Variants in SETDB1 observed in about 807,000 individuals in gnomAD.
SETDB1 encodes the protein SET domain bifurcated histone lysine methyltransferase 1, also known as histone-lysine N-methyltransferase SETDB1.
A neutral mutation model predicts 137.4 loss-of-function variants in SETDB1; 31 were observed. The observed-to-expected ratio is 0.23, with a 90% CI of 0.17 to 0.30. The LOEUF is 0.30. SETDB1 is among the 10% of genes least tolerant of loss of function. The probability of loss-of-function intolerance (pLI) is 1.00; values close to 1 mark genes in which losing one functional copy is unlikely to be tolerated. For missense variants in SETDB1, 1,113 were observed against 1,631.5 expected (o/e 0.68, Z 5.47); for synonymous variants, 548 against 579.9 (o/e 0.95, Z 0.79).
At position 150,933,717 on chromosome 1, in the gene SETDB1, TTCAGA is replaced by T. The variant is rs1257990188; in HGVS notation, c.412+3600_412+3604del. 2.6e-5 allele frequency among the ~76,000 whole-genome samples: 4 copies of T among 151,940 alleles called. No homozygotes were observed. In the East Asian group the frequency reaches 7.7e-4, roughly 29 times the overall value. On this transcript the variant is annotated intron_variant, in intron 3 of 21. Transcript: ENST00000692827. ...TGCCTTCTTAAAGTCAAACAAACATTTCAGAAAACCACTGTCATTCTTCTGATTTT... is the reference window on the plus strand; with the variant it reads ...TGCCTTCTTAAAGTCAAACAAACATTAAACCACTGTCATTCTTCTGATTTT...
At position 150,950,793 on chromosome 1, in the gene SETDB1, A is replaced by G. The variant is rs775790903; in HGVS notation, c.1919A>G (p.Gln640Arg). 6.8e-6 allele frequency: 11 copies of G among 1,614,212 alleles called. No homozygotes were observed. The highest frequency in any genetic ancestry group is 9.3e-6 in the Non-Finnish European group (11 of 1,179,994). The change falls in exon 13 of 22, where the codon CAG becomes CGG. Residue 640 changes from glutamine (Q) to arginine (R), a missense_variant. By Grantham distance (43) the Gln-to-Arg change is conservative. Around this residue, in one of 11 missense-constraint regions of SETDB1, gnomAD observed 55 missense variants for 118.5 expected, o/e 0.46. Transcript: ENST00000692827. ...TPCGLCLRTM[Q>R]EIERYLFETG... ...TGTGGTCTCTGCCTTCGGACAATGCAGGAGATAGAACGCTACCTTTTCGAG... is the reference window on the plus strand; with the variant it reads ...TGTGGTCTCTGCCTTCGGACAATGCGGGAGATAGAACGCTACCTTTTCGAG...
intron 5 of SETDB1, 68 bp downstream of exon 5, chr1:150,941,496 T>TA: frequency 1.1e-6 from 1 of 928,134 alleles, no homozygotes; most frequent in East Asian, 2.5e-5. Flanking sequence ...TCTTAAGTCT[T>TA]ATGTCTGCTA....
intron 3 of SETDB1, among the ~76,000 whole-genome samples, chr1:150,939,140 T>C (rs919512984): frequency 2.6e-5 from 4 of 151,248 alleles, no homozygotes; most frequent in African/African-American, 9.7e-5. Flanking sequence ...AGAGAAGGGG[T>C]TTGGTTTCAC....
At position 150,939,791 on chromosome 1, in the gene SETDB1, A is replaced by G. The variant is rs1016938404; in HGVS notation, c.413-149A>G. 1.6e-5 allele frequency: 9 copies of G among 575,798 alleles called. No homozygotes were observed. In the African/African-American group the frequency reaches 1.7e-4, roughly 11 times the overall value. 35.7% of individuals were successfully genotyped at this position (575,798 alleles called of 1,614,324 possible). The stretch of plus-strand genomic sequence containing the variant: ...CTTTCCAGACCCTTTTGAGTACTTT[A>G]TATTTGTGTGTATACCTATATCAAG... On this transcript the variant is annotated intron_variant, in intron 3 of 21. Coordinates refer to ENST00000692827, the MANE Select transcript of SETDB1 (RefSeq NM_001366418.1).
chr1:150,928,676 CAT>C lies in SETDB1; in HGVS notation c.260+705_260+706del, dbSNP rs587763401. The stretch of plus-strand genomic sequence containing the variant: ...ATGTGCACAACGTGCAGGTTTATTA[CAT>C]ATGTATACATGTGCCATGTTGGTGT... On this transcript the variant is annotated intron_variant, in intron 2 of 21. Transcript: ENST00000692827. Among the ~76,000 whole-genome samples the C allele has an allele frequency of 3.2e-3, 489 of 152,286 alleles. 4 individuals carry two copies. Among genetic ancestry groups the C allele is most frequent in the African/African-American group, 0.011 (449 of 41,542 alleles).
intron 10 of SETDB1, among the ~76,000 whole-genome samples, chr1:150,947,708 C>T (rs1221847666): frequency 6.6e-6 from 1 of 151,904 alleles, no homozygotes; most frequent in African/African-American, 2.4e-5. Context: ...GCCAGGAGGT[C>T]GAGGTTGCAG....
At position 150,962,119 on chromosome 1, in the gene SETDB1, T is replaced by C. The variant is rs1241745777; in HGVS notation, c.3133-11T>C. On this transcript the variant is annotated splice_polypyrimidine_tract_variant and intron_variant, in intron 16 of 21. Transcript: ENST00000692827. ...GTGAAAGCATTTAACCCTTCACTTG[T>C]TCTTTTCCAGGACACTGACGACCGA... 1 of 1,614,124 alleles carries C rather than the reference T, an allele frequency of 6.2e-7. No individual in the cohort carries two copies. Among genetic ancestry groups the C allele is most frequent in the Non-Finnish European group, 8.5e-7 (1 of 1,179,966 alleles).
rs774281431 is a variant in SETDB1 at position 150,963,633 on chromosome 1, G to A, written c.3564G>A (p.Lys1188=). Residue 1188 remains lysine (K), a synonymous_variant, in exon 20 of 22, where the codon AAG becomes AAA. Transcript: ENST00000692827. The part of the protein sequence containing the change: ...IKSTNMASVD[K]GESAPVRKNT... The stretch of plus-strand genomic sequence containing the variant: ...CAACCAACATGGCCTCTGTGGACAA[G>A]GGGGAGAGCGCACCTGTTCGTAAGA... The A allele has an allele frequency of 2.0e-5, 33 of 1,614,052 alleles. No homozygotes were observed. The East Asian group carries it at 5.8e-4, about 28-fold the overall frequency.
At chr1:150,944,256 T>C (rs1041296300) in intron 8 of SETDB1, among the ~76,000 whole-genome samples, 1 of 152,214 alleles carries the variant, frequency 6.6e-6, no homozygotes, top group Non-Finnish European at 1.5e-5. Flanking sequence ...GCTCACGTTA[T>C]AGATGTGCTT....
chr1:150,931,746 A>AAAG (rs1669765156), intron 3 of SETDB1, among the ~76,000 whole-genome samples: 2 of 148,318 alleles, frequency 1.3e-5, no homozygotes, highest in Non-Finnish European at 1.5e-5. Context: ...AAAAAAAAAA[A>AAAG]CAGACATCCT....
intron 3 of SETDB1, among the ~76,000 whole-genome samples, chr1:150,937,939 G>A (rs976875505): frequency 6.6e-5 from 10 of 152,116 alleles, no homozygotes; most frequent in Admixed American, 5.9e-4. Context: ...CCATAAAAAG[G>A]AATGAAGGGG....
chr1:150,953,363 A>G (rs1670551374), intron 14 of SETDB1, among the ~76,000 whole-genome samples: 1 of 151,936 alleles, frequency 6.6e-6, no homozygotes, highest in Non-Finnish European at 1.5e-5. Context: ...CATCTCTACT[A>G]AAAATACAAA....
intron 10 of SETDB1, 27 bp downstream of exon 10, chr1:150,947,039 A>G (rs760159571): frequency 2.5e-6 from 4 of 1,612,658 alleles, no homozygotes; most frequent in African/African-American, 1.3e-5. Context: ...TCCTGGAGGA[A>G]GGAAGAAACA....
At chr1:150,945,261 CT>C in intron 9 of SETDB1, 153 bp downstream of exon 9, 1 of 1,462,984 alleles carries the variant, frequency 6.8e-7, no homozygotes, top group Non-Finnish European at 9.1e-7. Context: ...TTACTTTGCC[CT>C]TTTTGTTGTT....
chr1:150,955,154 A>G (rs1429619875), intron 14 of SETDB1, among the ~76,000 whole-genome samples: 2 of 152,242 alleles, frequency 1.3e-5, no homozygotes, highest in South Asian at 4.1e-4. Context: ...TTGCTGTATC[A>G]TGTATGTTTT....
chr1:150,931,814 G>C (rs1471466070), intron 3 of SETDB1, among the ~76,000 whole-genome samples: 1 of 149,148 alleles, frequency 6.7e-6, no homozygotes, highest in Middle Eastern at 3.2e-3. Flanking sequence ...AATTATGTTA[G>C]CAGTAGGTTT....
intron 3 of SETDB1, among the ~76,000 whole-genome samples, chr1:150,931,333 C>T (rs1669737689): frequency 6.7e-6 from 1 of 149,762 alleles, no homozygotes; most frequent in African/African-American, 2.5e-5. Flanking sequence ...CGCCTGTAAT[C>T]CCAGCACTTT....
chr1:150,963,901 C>T, intron 20 of SETDB1, 94 bp from the exon 21 acceptor site: 1 of 1,301,474 alleles, frequency 7.7e-7, no homozygotes, highest in South Asian at 1.2e-5. Context: ...TGGGGAGGGT[C>T]AGATGGCATC....
chr1:150,944,201 CAA>C (rs1473777699), intron 8 of SETDB1, among the ~76,000 whole-genome samples: 1 of 152,148 alleles, frequency 6.6e-6, no homozygotes, highest in Non-Finnish European at 1.5e-5. Context: ...TCTTTGTAGA[CAA>C]AGAGTGAGAC....
Sources: gnomAD v4.1 joint callset for allele counts (sites outside exome capture counted in the v4.1 genomes callset) on GRCh38, gnomAD v4.1.1 for gene constraint, gnomAD v4.1.1 regional missense constraint, MANE v1.5 for transcripts, NCBI Gene and HGNC (gene_info 2026-07-23, HGNC 2026-07-21) for gene names.